DENND1A: variants seen among roughly 807,000 people sequenced by gnomAD.
DENND1A encodes the protein DENN domain-containing protein 1A.
A neutral mutation model predicts 113.7 loss-of-function variants in DENND1A; 51 were observed. That is an observed-to-expected ratio of 0.45 (90% CI 0.36 to 0.57). The LOEUF (loss-of-function observed/expected upper bound fraction) is 0.57, where lower values mean the gene tolerates loss of function less well. Among genes scored for constraint, DENND1A ranks in the 20% least tolerant of loss-of-function variants. DENND1A has a pLI of 0.00. For synonymous variants in DENND1A, 565 were observed against 570.8 expected, an observed-to-expected ratio of 0.99 and a Z score of 0.14; for missense variants, 1,258 against 1,395.9, an observed-to-expected ratio of 0.90 and a Z score of 1.57.
chr9:123,760,371 G>A (rs2070934912), intron 4 of DENND1A, among the ~76,000 whole-genome samples: 1 of 152,170 alleles, frequency 6.6e-6, no homozygotes, highest in Non-Finnish European at 1.5e-5. Context: ...AAAGGTCAAT[G>A]GACTCTGCCT....
chr9:123,521,633 T>C (rs2054402291), intron 13 of DENND1A, among the ~76,000 whole-genome samples: 1 of 152,182 alleles, frequency 6.6e-6, no homozygotes, highest in South Asian at 2.1e-4. Flanking sequence ...TAAATGCCAG[T>C]CCACTGAAAT....
intron 13 of DENND1A, among the ~76,000 whole-genome samples, chr9:123,513,633 T>C (rs748836642): frequency 1.4e-4 from 21 of 152,192 alleles, no homozygotes; most frequent in Non-Finnish European, 1.9e-4. Flanking sequence ...AAAAGAGGGA[T>C]TGGAAGAACT....
At chr9:123,477,792 C>G (rs1487951014) in intron 13 of DENND1A, among the ~76,000 whole-genome samples, 6 of 152,106 alleles carry the variant, frequency 3.9e-5, no homozygotes, top group Non-Finnish European at 8.8e-5. Flanking sequence ...TGCCTCCCCC[C>G]TCCCTCCAGC....
At chr9:123,810,549 C>CAAAAAAAA (rs1159557273) in intron 2 of DENND1A, among the ~76,000 whole-genome samples, 41 of 46,128 alleles carry the variant, frequency 8.9e-4, no homozygotes, top group East Asian at 3.3e-3. Context: ...CATGTCTCTA[C>CAAAAAAAA]AAAAAAAAAA....
At chr9:123,603,144 A>C (rs2060004012) in intron 11 of DENND1A, among the ~76,000 whole-genome samples, 1 of 152,006 alleles carries the variant, frequency 6.6e-6, no homozygotes, top group Non-Finnish European at 1.5e-5. Flanking sequence ...TTACTCTGTT[A>C]AAAAATAAAT....
At chr9:123,557,837 C>G in intron 12 of DENND1A, 142 bp from the exon 13 acceptor site, 1 of 990,962 alleles carries the variant, frequency 1.0e-6, no homozygotes, top group East Asian at 2.8e-5. Context: ...AGGACAAAAA[C>G]GTGTTCAGGC....
chr9:123,571,923 T>C (rs955793397), intron 12 of DENND1A, among the ~76,000 whole-genome samples: 5 of 152,232 alleles, frequency 3.3e-5, no homozygotes, highest in African/African-American at 1.2e-4. Context: ...TCAGCCGTGA[T>C]GAAAGCTCCA....
intron 1 of DENND1A, among the ~76,000 whole-genome samples, chr9:123,917,163 G>A (rs561667882): frequency 9.9e-5 from 15 of 151,898 alleles, no homozygotes; most frequent in Non-Finnish European, 1.6e-4. Context: ...CAGCCCAGGC[G>A]ACCGAGCAAG....
chr9:123,776,199 C>T (rs1439967804), intron 3 of DENND1A, among the ~76,000 whole-genome samples: 1 of 152,176 alleles, frequency 6.6e-6, no homozygotes, highest in Non-Finnish European at 1.5e-5. Context: ...AGCCCTAACA[C>T]ATACTTCATG....
intron 5 of DENND1A, among the ~76,000 whole-genome samples, chr9:123,734,976 T>C (rs1042893572): frequency 2.6e-5 from 4 of 152,210 alleles, no homozygotes; most frequent in Non-Finnish European, 5.9e-5. Context: ...CAAGGACTTA[T>C]GATTGCTCTC....
At chr9:123,863,319 G>T (rs952381317) in intron 2 of DENND1A, among the ~76,000 whole-genome samples, 1 of 152,166 alleles carries the variant, frequency 6.6e-6, no homozygotes, top group Non-Finnish European at 1.5e-5. Context: ...ACTCAGAGTT[G>T]ATTCAAATGT....
chr9:123,914,264 C>T (rs1340358812), intron 1 of DENND1A, among the ~76,000 whole-genome samples: 5 of 151,792 alleles, frequency 3.3e-5, no homozygotes, highest in South Asian at 2.1e-4. Context: ...CAATGCCAGG[C>T]GCAGTGTCTC....
chr9:123,701,463 C>G (rs1564976811), intron 5 of DENND1A, among the ~76,000 whole-genome samples: 1 of 152,094 alleles, frequency 6.6e-6, no homozygotes, highest in Non-Finnish European at 1.5e-5. Flanking sequence ...TGTCTAGGTC[C>G]CCAATACTGA....
chr9:123,469,772 T>A (rs1227754598), intron 13 of DENND1A, among the ~76,000 whole-genome samples: 1 of 152,166 alleles, frequency 6.6e-6, no homozygotes, highest in African/African-American at 2.4e-5. Context: ...GCTCACTTAC[T>A]CCTCACAGCA....
rs190445194 is a variant in DENND1A, at chr9:123,723,444, G to A, written c.302+34259C>T. On this transcript the variant is annotated intron_variant, in intron 5 of 23. Transcript: ENST00000394215. ...AATGTGAATACATGAGATTTGGGAGGGGCTGGGGTGGAATGATATGGTTTG... is the reference window on the plus strand; with the variant it reads ...AATGTGAATACATGAGATTTGGGAGAGGCTGGGGTGGAATGATATGGTTTG... Among the ~76,000 whole-genome samples the A allele has an allele frequency of 1.8e-3, 279 of 152,248 alleles. 1 individual carries two copies. The highest frequency in any genetic ancestry group is 5.8e-3 in the African/African-American group (239 of 41,528).
intron 9 of DENND1A, among the ~76,000 whole-genome samples, chr9:123,639,107 T>C (rs1041567172): frequency 7.1e-6 from 1 of 140,170 alleles, no homozygotes; most frequent in Non-Finnish European, 1.5e-5. Flanking sequence ...GAAAAAGGAC[T>C]GTTCCCTGTA....
rs1486140420 is a variant in DENND1A, at chr9:123,667,007, C to G, written c.507+19G>C. 2.5e-6 allele frequency: 4 copies of G among 1,570,030 alleles called. No homozygotes were observed. The Admixed American group carries it at 8.1e-5, about 32-fold the overall frequency. On this transcript the variant is annotated intron_variant, in intron 8 of 23. Transcript: ENST00000394215. ...GAGAAGAATAAAAATTTAATTTTTT[C>G]TTCTTCCCAAGTACTTACATTCTCA...
chr9:123,408,174 G>A (rs920746517), intron 20 of DENND1A, among the ~76,000 whole-genome samples: 1 of 152,180 alleles, frequency 6.6e-6, no homozygotes, highest in African/African-American at 2.4e-5. Context: ...ACCCAGCAAA[G>A]CCACACTGGA....
chr9:123,656,651 A>G (rs1274628765), intron 8 of DENND1A, among the ~76,000 whole-genome samples: 1 of 152,188 alleles, frequency 6.6e-6, no homozygotes, highest in African/African-American at 2.4e-5. Context: ...ATAAAGGATA[A>G]ATCCTCCTTC....
Sources: allele counts gnomAD v4.1 joint callset (sites outside exome capture counted in the v4.1 genomes callset), GRCh38; gene constraint gnomAD v4.1.1; transcripts MANE v1.5; gene names NCBI Gene and HGNC (gene_info 2026-07-23, HGNC 2026-07-21).